PKDCC: variants seen among roughly 807,000 people sequenced by gnomAD.
The protein encoded by PKDCC is extracellular tyrosine-protein kinase PKDCC.
Under a neutral mutation model 44.7 loss-of-function variants are expected in PKDCC, and 35 were observed. That is an observed-to-expected ratio of 0.78 (90% CI 0.60 to 1.04). The LOEUF is 1.04. Ranked by LOEUF, PKDCC falls within the 50% of genes least tolerant of loss-of-function variation. PKDCC has a pLI of 0.00. For missense variants in PKDCC, 738 were observed against 672.7 expected (o/e 1.10, Z -1.07); for synonymous variants, 353 against 303.3 (o/e 1.16, Z -1.70).
Position 42,057,942 on chromosome 2 carries a change from C to G in PKDCC, c.*254C>G, listed in dbSNP as rs1668085647. On this transcript the variant is annotated 3_prime_UTR_variant, in exon 7 of 7. Transcript: ENST00000294964. ...TGGGGGTATGACTGCCTCTCCAACC[C>G]TGTGGGCTGTAAGCAAGCTCAGGCT... is the stretch of plus-strand genomic sequence containing the variant. 1.9e-6 allele frequency: 1 copy of G among 516,894 alleles called. No individual in the cohort carries two copies. Among genetic ancestry groups the G allele is most frequent in the African/African-American group, 1.9e-5 (1 of 52,190 alleles). The allele number at this position is 516,894 out of a possible 1,614,324, so 32.0% of individuals were successfully genotyped here. A position where few individuals can be genotyped will look rare whatever the true frequency, so the allele number is the denominator to read the frequency against.
chr2:42,048,370 C>T lies in PKDCC; in HGVS notation c.171C>T (p.Ala57=). 8.6e-7 allele frequency: 1 copy of T among 1,161,018 alleles called. No homozygotes were observed. The highest frequency in any genetic ancestry group is 1.1e-6 in the Non-Finnish European group (1 of 943,628). 71.9% of individuals were successfully genotyped at this position (1,161,018 alleles called of 1,614,324 possible). A position where few individuals can be genotyped will look rare whatever the true frequency, so the allele number is the denominator to read the frequency against. ...GTCGCGGGGGCCGCGGGGAGCTGGC[C>T]CGGCAGATCCGGGCGCGCTACGAGG... ...PGRRGGRGEL[A]RQIRARYEEV... is the part of the protein sequence containing the mutation. The change falls in exon 1 of 7, where the codon GCC becomes GCT. Residue 57 remains alanine, a synonymous_variant. Transcript: ENST00000294964. The surrounding 1 kb of genome is among the most constrained non-coding windows in gnomAD (Gnocchi z 6.2).
chr2:42,054,661 G>C lies in PKDCC; in HGVS notation c.1035-280G>C, dbSNP rs1435576512. 3 of 553,690 alleles carry C rather than the reference G, an allele frequency of 5.4e-6. No individual in the cohort carries two copies. The highest frequency in any genetic ancestry group is 1.9e-5 in the African/African-American group (1 of 53,200). The allele number at this position is 553,690 out of a possible 1,614,324, so 34.3% of individuals were successfully genotyped here. On this transcript the variant is annotated intron_variant, in intron 3 of 6. Coordinates refer to ENST00000294964, the MANE Select transcript of PKDCC (RefSeq NM_138370.3). The surrounding 1 kb of genome is among the most constrained non-coding windows in gnomAD (Gnocchi z 6.1). ...AGCCATGGGGCTGCTCCGACACCGGGAGTCAGTCAGGGGATAATGTGGGGC... is the reference window on the plus strand; with the variant it reads ...AGCCATGGGGCTGCTCCGACACCGGCAGTCAGTCAGGGGATAATGTGGGGC...
chr2:42,049,051 C>T (rs1667924084), intron 1 of PKDCC, among the ~76,000 whole-genome samples: 1 of 152,136 alleles, frequency 6.6e-6, no homozygotes, highest in Non-Finnish European at 1.5e-5. Context: ...CTGGGTTTCT[C>T]GGCTTCCACA....
At position 42,057,097 on chromosome 2, in the gene PKDCC, T is replaced by G. The variant is rs960939606; in HGVS notation, c.1223-124T>G. On this transcript the variant is annotated intron_variant, in intron 5 of 6. Transcript: ENST00000294964. Reference sequence around the variant, plus strand: ...TGCCTTCATCTGCGTGCTAGAGGGCTGGGCTGGACTTCAGCTTTCACCTAG... The same window carrying G: ...TGCCTTCATCTGCGTGCTAGAGGGCGGGGCTGGACTTCAGCTTTCACCTAG... 8.1e-6 allele frequency: 9 copies of G among 1,106,176 alleles called. No individual in the cohort carries two copies. The African/African-American group carries it at 1.2e-4, about 15-fold the overall frequency. 68.5% of individuals were successfully genotyped at this position (1,106,176 alleles called of 1,614,324 possible). A position where few individuals can be genotyped will look rare whatever the true frequency, so the allele number is the denominator to read the frequency against.
Position 42,054,473 on chromosome 2 carries a change from G to A in PKDCC, c.1034+166G>A, listed in dbSNP as rs1668020751. On this transcript the variant is annotated intron_variant, in intron 3 of 6. Coordinates refer to ENST00000294964, the MANE Select transcript of PKDCC (RefSeq NM_138370.3). The surrounding 1 kb of genome is among the most constrained non-coding windows in gnomAD (Gnocchi z 6.1). Reference sequence around the variant, plus strand: ...AGAAGGGAACATTCAGGCCTCTGATGGAGAGGCTAAAAATAGACAGCTCCA... The same window carrying A: ...AGAAGGGAACATTCAGGCCTCTGATAGAGAGGCTAAAAATAGACAGCTCCA... The A allele has an allele frequency of 1.2e-6, 1 of 814,200 alleles. No homozygotes were observed. Among genetic ancestry groups the A allele is most frequent in the Non-Finnish European group, 1.9e-6 (1 of 528,250 alleles). The allele number at this position is 814,200 out of a possible 1,614,324, so 50.4% of individuals were successfully genotyped here.
intron 1 of PKDCC, among the ~76,000 whole-genome samples, chr2:42,049,546 G>A (rs1217354866): frequency 6.6e-6 from 1 of 152,198 alleles, no homozygotes; most frequent in Non-Finnish European, 1.5e-5. Flanking sequence ...CAGACTGGCG[G>A]CCTGAGGATC....
intron 2 of PKDCC, chr2:42,053,636 C>T (rs1668005652): frequency 3.8e-6 from 2 of 530,710 alleles, no homozygotes; most frequent in Admixed American, 3.6e-5. Context: ...GGAGCACTCA[C>T]ACACTCACAC....
In PKDCC at chr2:42,058,245, C is replaced by T. The variant is rs375855309; in HGVS notation, c.*557C>T. On this transcript the variant is annotated 3_prime_UTR_variant, in exon 7 of 7. Transcript: ENST00000294964. The surrounding 1 kb of genome is among the most constrained non-coding windows in gnomAD (Gnocchi z 4.2). ...CGACAGGGGACACTCCCAGGCCAGC[C>T]CAGGGGTCAGGGGCAGAGGTGCACA... 10 of 153,896 alleles carry T rather than the reference C, an allele frequency of 6.5e-5. No homozygotes were observed. The highest frequency in any genetic ancestry group is 1.9e-4 in the Admixed American group (3 of 15,484). The allele number at this position is 153,896 out of a possible 1,614,324, so 9.5% of individuals were successfully genotyped here. A position where few individuals can be genotyped will look rare whatever the true frequency, so the allele number is the denominator to read the frequency against.
In PKDCC at chr2:42,057,234, C is replaced by G; in HGVS notation, c.1236C>G (p.Ile412Met). The G allele has an allele frequency of 6.2e-7, 1 of 1,614,192 alleles. No individual in the cohort carries two copies. The highest frequency in any genetic ancestry group is 2.2e-5 in the East Asian group (1 of 44,888). Residue 412 changes from isoleucine to methionine, a missense_variant, in exon 6 of 7, where the codon ATC becomes ATG. Ile to Met is a conservative substitution (Grantham distance 10). Transcript: ENST00000294964. ...CCCAACCCACAGAGTACCAGTGTAT[C>G]CCAGACAGCACCATCCCCCAGGAAG... ...TASSSTEYQC[I>M]PDSTIPQEDY...
In PKDCC at chr2:42,054,135, G is replaced by T; in HGVS notation, c.862G>T (p.Asp288Tyr). The T allele has an allele frequency of 1.2e-6, 2 of 1,613,412 alleles. No homozygotes were observed. Among genetic ancestry groups the T allele is most frequent in the Non-Finnish European group, 1.7e-6 (2 of 1,179,810 alleles). ...DFRPRQFVLV[D>Y]GELKVTDLDD... ...CCGCCCTCGGCAGTTTGTGCTGGTG[G>T]ATGGGGAGCTCAAAGTGACGGACCT... The change falls in exon 3 of 7, where the codon GAT (aspartate) becomes TAT (tyrosine). Residue 288 changes from aspartate to tyrosine, a missense_variant. Physicochemically the swap from Asp to Tyr is radical, Grantham distance 160. Transcript: ENST00000294964. This position sits in a 1 kb window ranked among gnomAD's most constrained non-coding sequence, Gnocchi z 6.1.
At position 42,052,373 on chromosome 2, in the gene PKDCC, A is replaced by G. The variant is rs746000418; in HGVS notation, c.640-866A>G. On this transcript the variant is annotated intron_variant, in intron 1 of 6. Coordinates refer to ENST00000294964, the MANE Select transcript of PKDCC (RefSeq NM_138370.3). The surrounding 1 kb of genome is among the most constrained non-coding windows in gnomAD (Gnocchi z 4.3). ...TGCCAGAAGGTAGAAATGATGAGGG[A>G]TAGATACAGATTCAAGGAGGGGAGG... 2.0e-5 allele frequency among the ~76,000 whole-genome samples: 3 copies of G among 152,202 alleles called. No homozygotes were observed. The highest frequency in any genetic ancestry group is 2.9e-5 in the Non-Finnish European group (2 of 68,036).
In PKDCC at chr2:42,057,980, G is replaced by C; in HGVS notation, c.*292G>C. ...GCAAGCTCAGGCTAGTCTCCCCACT[G>C]GGGGCTGTGCCCCTCCCTGGGACGG... is the stretch of plus-strand genomic sequence containing the variant. On this transcript the variant is annotated 3_prime_UTR_variant, in exon 7 of 7. Transcript: ENST00000294964. 4.4e-6 allele frequency: 2 copies of C among 450,026 alleles called. No homozygotes were observed. Among genetic ancestry groups the C allele is most frequent in the South Asian group, 5.7e-5 (2 of 34,938 alleles). 27.9% of individuals were successfully genotyped at this position (450,026 alleles called of 1,614,324 possible).
chr2:42,048,667 C>T lies in PKDCC; in HGVS notation c.468C>T (p.Arg156=), dbSNP rs1173132550. ...ACACCAAGGCCGTGTACCGGGTCCG[C>T]CTGCCCGGCGGTGCCGCGGTGGCGC... ...SGYTKAVYRV[R]LPGGAAVALK... The change falls in exon 1 of 7, where the codon CGC becomes CGT. Residue 156 remains arginine, a synonymous_variant. Transcript: ENST00000294964. The surrounding 1 kb of genome is among the most constrained non-coding windows in gnomAD (Gnocchi z 6.2). The T allele has an allele frequency of 3.9e-6, 6 of 1,546,600 alleles. No homozygotes were observed. Among genetic ancestry groups the T allele is most frequent in the Middle Eastern group, 1.7e-4 (1 of 5,970 alleles).
At chr2:42,053,197 C>A in intron 1 of PKDCC, 42 bp from the exon 2 acceptor site, 5 of 1,364,456 alleles carry the variant, frequency 3.7e-6, no homozygotes, top group South Asian at 1.3e-5. Flanking sequence ...CTGTCCCCAC[C>A]CCCACCCTGT....
chr2:42,048,203 C>T lies in PKDCC; in HGVS notation c.4C>T (p.Arg2Trp). M[R>W]RRRAAVAAGF... Reference sequence around the variant, plus strand: ...GCCGGCCGGGGGGAGGGGAGCGATGCGGCGCCGGCGGGCGGCAGTGGCCGC... The same window carrying T: ...GCCGGCCGGGGGGAGGGGAGCGATGTGGCGCCGGCGGGCGGCAGTGGCCGC... Residue 2 changes from arginine (R) to tryptophan (W), a missense_variant, in exon 1 of 7, where the codon CGG (arginine) becomes TGG (tryptophan). Transcript: ENST00000294964. The surrounding 1 kb of genome is among the most constrained non-coding windows in gnomAD (Gnocchi z 6.2). 2.6e-6 allele frequency: 3 copies of T among 1,172,710 alleles called. No homozygotes were observed. The highest frequency in any genetic ancestry group is 5.1e-5 in the South Asian group (2 of 39,596). 72.6% of individuals were successfully genotyped at this position (1,172,710 alleles called of 1,614,324 possible).
Position 42,054,998 on chromosome 2 carries a change from G to A in PKDCC, c.1092G>A (p.Leu364=). The A allele has an allele frequency of 6.2e-7, 1 of 1,614,000 alleles. No individual in the cohort carries two copies. Among genetic ancestry groups the A allele is most frequent in the South Asian group, 1.1e-5 (1 of 91,070 alleles). The change falls in exon 4 of 7, where the codon CTG becomes CTA. Residue 364 remains leucine, a synonymous_variant. Transcript: ENST00000294964. The surrounding 1 kb of genome is among the most constrained non-coding windows in gnomAD (Gnocchi z 6.1). ...HSAPPSLRPL[L]DSIVNATGEL... ...CCCCGCCTTCACTGCGTCCTCTGCT[G>A]GACAGCATCGTCAACGCCACAGGTG... is the stretch of plus-strand genomic sequence containing the variant.
rs896010685 is a variant in PKDCC, at chr2:42,048,420, G to T, written c.221G>T (p.Gly74Val). 6 of 1,136,612 alleles carry T rather than the reference G, an allele frequency of 5.3e-6. No individual in the cohort carries two copies. Among genetic ancestry groups the T allele is most frequent in the Non-Finnish European group, 5.4e-6 (5 of 929,732 alleles). 70.4% of individuals were successfully genotyped at this position (1,136,612 alleles called of 1,614,324 possible). A position where few individuals can be genotyped will look rare whatever the true frequency, so the allele number is the denominator to read the frequency against. The stretch of plus-strand genomic sequence containing the variant: ...GAGGTGCAGCGCTATTCCCGCGGGG[G>T]CCCCGGGCCCGGGGCGGGCCGGCCG... ...YEEVQRYSRG[G>V]PGPGAGRPER... Residue 74 changes from glycine (G) to valine (V), a missense_variant, in exon 1 of 7, where the codon GGC (glycine) becomes GTC (valine). Physicochemically the swap from Gly to Val is moderately radical, Grantham distance 109. Transcript: ENST00000294964. This position sits in a 1 kb window ranked among gnomAD's most constrained non-coding sequence, Gnocchi z 6.2.
In PKDCC at chr2:42,048,205, G is replaced by A; in HGVS notation, c.6G>A (p.Arg2=). M[R]RRRAAVAAGF... is the part of the protein sequence containing the mutation. ...CGGCCGGGGGGAGGGGAGCGATGCG[G>A]CGCCGGCGGGCGGCAGTGGCCGCGG... The change falls in exon 1 of 7, where the codon CGG becomes CGA. Residue 2 remains arginine (R), a synonymous_variant. Transcript: ENST00000294964. This position sits in a 1 kb window ranked among gnomAD's most constrained non-coding sequence, Gnocchi z 6.2. 1 of 1,181,478 alleles carries A rather than the reference G, an allele frequency of 8.5e-7. No homozygotes were observed. Among genetic ancestry groups the A allele is most frequent in the African/African-American group, 1.6e-5 (1 of 60,658 alleles). 73.2% of individuals were successfully genotyped at this position (1,181,478 alleles called of 1,614,324 possible).
At chr2:42,056,581 T>G (rs1668060200) in intron 5 of PKDCC, among the ~76,000 whole-genome samples, 1 of 152,040 alleles carries the variant, frequency 6.6e-6, no homozygotes, top group Non-Finnish European at 1.5e-5. Flanking sequence ...AGATTCTCAG[T>G]TCTACCCCAG....
Sources: gnomAD v4.1 joint callset for allele counts (sites outside exome capture counted in the v4.1 genomes callset) on GRCh38, gnomAD v4.1.1 for gene constraint, Gnocchi (gnomAD v3.1) non-coding constraint, MANE v1.5 for transcripts, NCBI Gene and HGNC (gene_info 2026-07-23, HGNC 2026-07-21) for gene names.